Variants in DDX25 observed in about 807,000 individuals in gnomAD.
DDX25 encodes DEAD-box helicase 25.
DDX25 carries 70 observed loss-of-function variants against 64.6 expected under a neutral mutation model. That is an observed-to-expected ratio of 1.08 (90% CI 0.89 to 1.32). The LOEUF is 1.32. Among genes scored for constraint, DDX25 ranks in the 40% most tolerant of loss-of-function variants. The probability of loss-of-function intolerance (pLI) is 0.00; values close to 1 mark genes in which losing one functional copy is unlikely to be tolerated. For synonymous variants in DDX25, 211 were observed against 213.3 expected (o/e 0.99, Z 0.09); for missense variants, 587 against 604.4 (o/e 0.97, Z 0.30).
upstream of DDX25, chr11:125,903,503 G>A (rs1256783053): frequency 6.6e-6 from 1 of 151,938 alleles, no homozygotes; most frequent in Non-Finnish European, 1.5e-5. Flanking sequence ...TTTATACCTA[G>A]TTAAATGAGA....
rs1157829107 is a variant in DDX25 at position 125,926,612 on chromosome 11, GGCTCACTGCAAACTCT to G, written c.*3734_*3749del. The G allele has an allele frequency of 6.6e-6, 1 of 150,686 alleles. No homozygotes were observed. Among genetic ancestry groups the G allele is most frequent in the Non-Finnish European group, 1.5e-5 (1 of 67,886 alleles). The allele number at this position is 150,686 out of a possible 1,614,324, so 9.3% of individuals were successfully genotyped here. ...GGCTGGAGTGCAGTGGCGTGATCTC[GGCTCACTGCAAACTCT>G]GCCTCCCCGGTTCAAGCAATTCTCC... On this transcript the variant is annotated 3_prime_UTR_variant, in exon 12 of 12. Transcript: ENST00000263576.
chr11:125,905,954 T>C (rs913654915), intron 3 of DDX25, 120 bp from the exon 4 acceptor site: 1 of 1,288,580 alleles, frequency 7.8e-7, no homozygotes, highest in Non-Finnish European at 1.0e-6. Context: ...GAACCCTCTT[T>C]TAGAGGAAAA....
At chr11:125,916,246 A>G (rs1249286102) in intron 8 of DDX25, among the ~76,000 whole-genome samples, 1 of 152,194 alleles carries the variant, frequency 6.6e-6, no homozygotes, top group Non-Finnish European at 1.5e-5. Flanking sequence ...TTGATATATG[A>G]AATATATACA....
At chr11:125,919,921 T>G (rs1945090114) in intron 10 of DDX25, among the ~76,000 whole-genome samples, 1 of 152,214 alleles carries the variant, frequency 6.6e-6, no homozygotes, top group Non-Finnish European at 1.5e-5. Context: ...AACTGAATTT[T>G]TAATTTTATT....
rs1945119118 is a variant in DDX25, at chr11:125,921,764, C to T, written c.1390+385C>T. The T allele has an allele frequency of 6.1e-6, 1 of 163,202 alleles. No homozygotes were observed. Among genetic ancestry groups the T allele is most frequent in the African/African-American group, 2.4e-5 (1 of 41,824 alleles). 10.1% of individuals were successfully genotyped at this position (163,202 alleles called of 1,614,324 possible). A position where few individuals can be genotyped will look rare whatever the true frequency, so the allele number is the denominator to read the frequency against. On this transcript the variant is annotated intron_variant, in intron 11 of 11. Coordinates refer to ENST00000263576, the MANE Select transcript of DDX25 (RefSeq NM_013264.5). This position sits in a 1 kb window ranked among gnomAD's most constrained non-coding sequence, Gnocchi z 4.1. ...ATTAGCTGGGCGTGGTGGCACATGC[C>T]TGTAGTCTCAGCTGCTGGAGAGGCT...
rs1384232385 is a variant in DDX25, at chr11:125,928,653, T to C, written c.*5772T>C. 2.0e-5 allele frequency: 3 copies of C among 152,228 alleles called. No individual in the cohort carries two copies. The highest frequency in any genetic ancestry group is 1.3e-4 in the Admixed American group (2 of 15,282). The allele number at this position is 152,228 out of a possible 1,614,324, so 9.4% of individuals were successfully genotyped here. ...TAAAATTGCTTGGTAACTTTTCTGGTTTATGTTTCTCTTAGTACAAGCAAG... is the reference window on the plus strand; with the variant it reads ...TAAAATTGCTTGGTAACTTTTCTGGCTTATGTTTCTCTTAGTACAAGCAAG... On this transcript the variant is annotated 3_prime_UTR_variant, in exon 12 of 12. Coordinates refer to ENST00000263576, the MANE Select transcript of DDX25 (RefSeq NM_013264.5).
Position 125,908,180 on chromosome 11 carries a change from T to A in DDX25, c.312-16T>A, listed in dbSNP as rs887199204. 1.2e-5 allele frequency: 1 copy of A among 86,106 alleles called. No individual in the cohort carries two copies. Among genetic ancestry groups the A allele is most frequent in the Non-Finnish European group, 1.5e-5 (1 of 65,238 alleles). 5.3% of individuals were successfully genotyped at this position (86,106 alleles called of 1,614,324 possible). A position where few individuals can be genotyped will look rare whatever the true frequency, so the allele number is the denominator to read the frequency against. On this transcript the variant is annotated splice_polypyrimidine_tract_variant and intron_variant, in intron 4 of 11. Transcript: ENST00000263576. ...CCAACTATAATCTGTAAGTGTTTGATTTTTTTTTTTGACAGAAAGGAAGAG... is the reference window on the plus strand; with the variant it reads ...CCAACTATAATCTGTAAGTGTTTGAATTTTTTTTTTGACAGAAAGGAAGAG...
chr11:125,907,837 C>T (rs1944914702), intron 4 of DDX25, among the ~76,000 whole-genome samples: 1 of 152,324 alleles, frequency 6.6e-6, no homozygotes, highest in South Asian at 2.1e-4. Context: ...AGGAACAAAA[C>T]AGTAAATGTC....
intron 4 of DDX25, among the ~76,000 whole-genome samples, chr11:125,907,079 T>C (rs1382195447): frequency 2.0e-5 from 3 of 152,180 alleles, no homozygotes; most frequent in Non-Finnish European, 2.9e-5. Flanking sequence ...TCAAATGATA[T>C]TAAACTGAAT....
chr11:125,908,310 A>G, intron 5 of DDX25, 22 bp downstream of exon 5: 2 of 1,613,196 alleles, frequency 1.2e-6, no homozygotes, highest in Non-Finnish European at 1.7e-6. Context: ...GGGTAGTGGT[A>G]TTCTACTTGG....
intron 9 of DDX25, 73 bp from the exon 10 acceptor site, chr11:125,918,555 T>C (rs1033155685): frequency 3.1e-5 from 37 of 1,205,290 alleles, no homozygotes; most frequent in Non-Finnish European, 4.3e-5. Context: ...CCTGCATGCA[T>C]GGTGTCACAA....
At chr11:125,919,756 T>C (rs1205553835) in intron 10 of DDX25, among the ~76,000 whole-genome samples, 2 of 152,138 alleles carry the variant, frequency 1.3e-5, no homozygotes, top group Non-Finnish European at 2.9e-5. Flanking sequence ...CTCTATCCCT[T>C]AAGAGCTCAC....
Position 125,908,461 on chromosome 11 carries a change from G to C in DDX25, c.465G>C (p.Leu155Phe), listed in dbSNP as rs760786704. 2.2e-5 allele frequency: 35 copies of C among 1,613,800 alleles called. No individual in the cohort carries two copies. The African/African-American group carries it at 4.7e-4, about 22-fold the overall frequency. ...SGTGKTAAFV[L>F]AMLSRVNALE... Reference sequence around the variant, plus strand: ...CAGGAAAGACAGCGGCATTTGTGTTGGCAATGTTAAGCAGAGTTAATGCCT... The same window carrying C: ...CAGGAAAGACAGCGGCATTTGTGTTCGCAATGTTAAGCAGAGTTAATGCCT... The change falls in exon 6 of 12, where the codon TTG becomes TTC. Residue 155 changes from leucine to phenylalanine, a missense_variant. Coordinates refer to ENST00000263576, the MANE Select transcript of DDX25 (RefSeq NM_013264.5).
At position 125,925,588 on chromosome 11, in the gene DDX25, A is replaced by C. The variant is rs887777874; in HGVS notation, c.*2707A>C. ...GGAAACACCAGGTGATTTCAGTGCA[A>C]CTGTGAGCTGGGTTCATCAGCTGTA... On this transcript the variant is annotated 3_prime_UTR_variant, in exon 12 of 12. Transcript: ENST00000263576. 4.9e-6 allele frequency: 2 copies of C among 405,804 alleles called. No homozygotes were observed. Among genetic ancestry groups the C allele is most frequent in the East Asian group, 7.4e-5 (1 of 13,498 alleles). The allele number at this position is 405,804 out of a possible 1,614,324, so 25.1% of individuals were successfully genotyped here. A position where few individuals can be genotyped will look rare whatever the true frequency, so the allele number is the denominator to read the frequency against.
Position 125,917,088 on chromosome 11 carries a change from G to A in DDX25, c.875G>A (p.Arg292Gln), listed in dbSNP as rs375780207. Residue 292 changes from arginine (R) to glutamine (Q), a missense_variant, in exon 9 of 12, where the codon CGA becomes CAA. Coordinates refer to ENST00000263576, the MANE Select transcript of DDX25 (RefSeq NM_013264.5). ...FEDSVWHFAE[R>Q]IIPDPNVIKL... ...GACTCTGTGTGGCACTTTGCTGAGC[G>A]AATCATCCCTGACCCTAATGTTATC... is the stretch of plus-strand genomic sequence containing the variant. 5.7e-5 allele frequency: 91 copies of A among 1,610,456 alleles called. 1 individual carries two copies. In the East Asian group the frequency reaches 7.1e-4, roughly 13 times the overall value.
intron 9 of DDX25, 102 bp from the exon 10 acceptor site, chr11:125,918,526 A>T: frequency 6.9e-7 from 1 of 1,441,910 alleles, no homozygotes; most frequent in Non-Finnish European, 9.3e-7. Flanking sequence ...ACTCCTCTGC[A>T]GCCCTCTCCC....
At position 125,908,226 on chromosome 11, in the gene DDX25, A is replaced by G. The variant is rs1304001129; in HGVS notation, c.342A>G (p.Ala114=). Residue 114 remains alanine, a synonymous_variant, in exon 5 of 12, where the codon GCA becomes GCG. Coordinates refer to ENST00000263576, the MANE Select transcript of DDX25 (RefSeq NM_013264.5). ...LKEELLKGIY[A]MGFNRPSKIQ... ...AAGAGTTACTAAAAGGAATCTATGCAATGGGATTTAATAGGCCATCTAAAA... is the reference window on the plus strand; with the variant it reads ...AAGAGTTACTAAAAGGAATCTATGCGATGGGATTTAATAGGCCATCTAAAA... 3 of 1,611,734 alleles carry G rather than the reference A, an allele frequency of 1.9e-6. No homozygotes were observed. Among genetic ancestry groups the G allele is most frequent in the Middle Eastern group, 1.7e-4 (1 of 6,056 alleles).
intron 9 of DDX25, 77 bp downstream of exon 9, chr11:125,917,328 A>C: frequency 7.3e-7 from 1 of 1,361,426 alleles, no homozygotes; most frequent in Non-Finnish European, 1.0e-6. Context: ...TAAGTGCCCT[A>C]GAGCCAGGCA....
At chr11:125,905,155 C>T (rs1243767120) in intron 1 of DDX25, 57 bp from the exon 2 acceptor site, 15 of 1,496,820 alleles carry the variant, frequency 1.0e-5, no homozygotes, top group Middle Eastern at 1.7e-4. Context: ...TAGGGAAGCA[C>T]TGGGCTGCTT....
Sources: gnomAD v4.1 joint callset for allele counts (sites outside exome capture counted in the v4.1 genomes callset) on GRCh38, gnomAD v4.1.1 for gene constraint, Gnocchi (gnomAD v3.1) non-coding constraint, MANE v1.5 for transcripts, NCBI Gene and HGNC (gene_info 2026-07-23, HGNC 2026-07-21) for gene names.